The following CDK14 variants were observed in gnomAD, a reference collection of about 807,000 sequenced individuals.
The protein encoded by CDK14 is cyclin dependent kinase 14, also known as cyclin-dependent kinase 14.
Under a neutral mutation model 60.7 loss-of-function variants are expected in CDK14, and 34 were observed. The observed-to-expected ratio is 0.56, with a 90% CI of 0.43 to 0.75. The LOEUF is 0.75. CDK14 is among the 30% of genes least tolerant of loss of function. The pLI, the probability that CDK14 is intolerant of heterozygous loss-of-function variation, is 0.00. For synonymous variants in CDK14, 197 were observed against 203.7 expected, an observed-to-expected ratio of 0.97 and a Z score of 0.28; for missense variants, 482 against 564.1, an observed-to-expected ratio of 0.85 and a Z score of 1.47.
chr7:90,870,738 G>A (rs1342380255), intron 6 of CDK14, among the ~76,000 whole-genome samples: 4 of 152,146 alleles, frequency 2.6e-5, no homozygotes, highest in African/African-American at 9.7e-5. Context: ...ATCAAGAATG[G>A]AGATGGGCAA....
At chr7:91,106,240 A>G (rs541892089) in intron 12 of CDK14, among the ~76,000 whole-genome samples, 3 of 152,320 alleles carry the variant, frequency 2.0e-5, no homozygotes, top group Admixed American at 6.5e-5. Flanking sequence ...GGAAGAGAAG[A>G]GCACAAAGAG....
intron 14 of CDK14, among the ~76,000 whole-genome samples, chr7:91,133,807 C>T (rs1304698804): frequency 2.6e-5 from 4 of 152,220 alleles, no homozygotes; most frequent in South Asian, 2.1e-4. Context: ...AGTTCTTTGA[C>T]GCTATCTCAT....
At chr7:90,863,146 ATTGT>A (rs1791062364) in intron 5 of CDK14, 25 bp from the exon 6 acceptor site, 1 of 1,263,644 alleles carries the variant, frequency 7.9e-7, no homozygotes, top group Non-Finnish European at 1.1e-6. Context: ...TCCACGATAA[ATTGT>A]TTCTCTGTCC....
chr7:90,931,126 T>C (rs1793580109), intron 8 of CDK14, among the ~76,000 whole-genome samples: 1 of 152,216 alleles, frequency 6.6e-6, no homozygotes, highest in Admixed American at 6.5e-5. Flanking sequence ...AATGAGCTCC[T>C]TGATCTCCCT....
At chr7:90,603,074 C>T (rs17864076) in intron 1 of CDK14, among the ~76,000 whole-genome samples, 28 of 150,808 alleles carry the variant, frequency 1.9e-4, no homozygotes, top group Non-Finnish European at 3.4e-4. Flanking sequence ...AATAGCTACC[C>T]AAGTGCTTCT....
chr7:90,847,434 A>T (rs1162692804), intron 5 of CDK14, among the ~76,000 whole-genome samples: 1 of 152,136 alleles, frequency 6.6e-6, no homozygotes, highest in African/African-American at 2.4e-5. Context: ...GATTATCCAG[A>T]TAAAAAATTA....
chr7:90,909,444 G>A (rs1022474274), intron 7 of CDK14, among the ~76,000 whole-genome samples: 1 of 110,764 alleles, frequency 9.0e-6, no homozygotes, highest in African/African-American at 3.7e-5. Flanking sequence ...CCCCACCCCC[G>A]CAACATGCTT....
At chr7:90,654,618 A>G (rs1466143666) in intron 2 of CDK14, among the ~76,000 whole-genome samples, 6 of 152,164 alleles carry the variant, frequency 3.9e-5, no homozygotes, top group Admixed American at 3.9e-4. Context: ...TAAGATGCAT[A>G]CAAAGTTTGG....
intron 2 of CDK14, among the ~76,000 whole-genome samples, chr7:90,621,338 G>A (rs1051020626): frequency 6.6e-6 from 1 of 152,162 alleles, no homozygotes; most frequent in Admixed American, 6.5e-5. Flanking sequence ...GTGTTCATGT[G>A]TTGAGTAACT....
chr7:90,718,153 G>A (rs1584817677), intron 2 of CDK14, among the ~76,000 whole-genome samples: 3 of 151,980 alleles, frequency 2.0e-5, no homozygotes, highest in Admixed American at 2.0e-4. Context: ...GCTCTACAAC[G>A]TGTACTGCTG....
intron 6 of CDK14, among the ~76,000 whole-genome samples, chr7:90,869,130 T>C (rs1791287082): frequency 1.3e-5 from 2 of 152,362 alleles, no homozygotes; most frequent in Admixed American, 6.5e-5. Flanking sequence ...CATCTGTTCT[T>C]GAAAAACTGT....
At chr7:90,989,122 A>G (rs573334943) in intron 10 of CDK14, among the ~76,000 whole-genome samples, 1 of 152,024 alleles carries the variant, frequency 6.6e-6, no homozygotes, top group African/African-American at 2.4e-5. Context: ...CATTAAACTG[A>G]CTGTGGAGGT....
chr7:91,034,945 T>TACACACACACACAC (rs35003949), intron 10 of CDK14, among the ~76,000 whole-genome samples: 15 of 146,092 alleles, frequency 1.0e-4, no homozygotes, highest in East Asian at 1.0e-3. Context: ...CACATACACA[T>TACACACACACACAC]ACACACACAC....
At chr7:91,002,746 C>T (rs571646378) in intron 10 of CDK14, among the ~76,000 whole-genome samples, 133 of 152,182 alleles carry the variant, frequency 8.7e-4, no homozygotes, top group African/African-American at 2.9e-3. Flanking sequence ...AATCTAGCCT[C>T]GTGATTAATT....
At chr7:91,131,562 A>G (rs1040297928) in intron 14 of CDK14, among the ~76,000 whole-genome samples, 1 of 152,182 alleles carries the variant, frequency 6.6e-6, no homozygotes, top group Admixed American at 6.6e-5. Context: ...CAAGGCTTCA[A>G]CTTTCTAAAT....
intron 11 of CDK14, among the ~76,000 whole-genome samples, chr7:91,059,655 G>A (rs992371664): frequency 2.0e-5 from 3 of 152,164 alleles, no homozygotes; most frequent in South Asian, 2.1e-4. Context: ...CCTTCATTTC[G>A]TTATGTACCC....
intron 10 of CDK14, among the ~76,000 whole-genome samples, chr7:90,993,661 G>A (rs1022207440): frequency 6.6e-6 from 1 of 152,192 alleles, no homozygotes; most frequent in Non-Finnish European, 1.5e-5. Context: ...GAGGGCAGAT[G>A]TTGAGGGAAT....
chr7:90,767,320 A>C (rs1804606319), intron 4 of CDK14, among the ~76,000 whole-genome samples: 2 of 152,160 alleles, frequency 1.3e-5, no homozygotes, highest in Non-Finnish European at 2.9e-5. Context: ...CTTCCTTGTT[A>C]ATAATTAACT....
chr7:90,824,791 C>G (rs1386286628), intron 5 of CDK14: 2 of 152,038 alleles, frequency 1.3e-5, no homozygotes, highest in South Asian at 2.1e-4. Context: ...GTTAATAGTT[C>G]AAGTAATAGA....
Sources: allele counts gnomAD v4.1 joint callset (sites outside exome capture counted in the v4.1 genomes callset), GRCh38; gene constraint gnomAD v4.1.1; transcripts MANE v1.5; gene names NCBI Gene and HGNC (gene_info 2026-07-23, HGNC 2026-07-21).